Variants in TENM3 observed in about 807,000 individuals in gnomAD.
TENM3 encodes teneurin-3.
Under a neutral mutation model 255.1 loss-of-function variants are expected in TENM3, and 63 were observed. That is an observed-to-expected ratio of 0.25 (90% CI 0.20 to 0.30). TENM3 has a LOEUF of 0.30. Among genes scored for constraint, TENM3 ranks in the 10% least tolerant of loss-of-function variants. The pLI is 1.00. For synonymous variants in TENM3, 1,306 were observed against 1,322.3 expected (o/e 0.99, Z 0.27); for missense variants, 2,929 against 3,461.1 (o/e 0.85, Z 3.86).
At chr4:181,680,096 C>G in the TENM3 span, among the ~76,000 whole-genome samples, 8 of 152,172 alleles carry the variant, frequency 5.3e-5, no homozygotes, top group African/African-American at 1.9e-4. Flanking sequence ...TAGGTGTAAA[C>G]ATTTTATTTT....
the TENM3 span, among the ~76,000 whole-genome samples, chr4:181,521,325 ACT>A: frequency 6.6e-6 from 1 of 152,164 alleles, no homozygotes; most frequent in South Asian, 2.1e-4. Flanking sequence ...AGCAAAAATA[ACT>A]CTTACCGATG....
At chr4:181,598,896 C>T in the TENM3 span, among the ~76,000 whole-genome samples, 1 of 152,064 alleles carries the variant, frequency 6.6e-6, no homozygotes, top group East Asian at 1.9e-4. Flanking sequence ...AATGTATGTA[C>T]AGTAATATTA....
intron 5 of TENM3, among the ~76,000 whole-genome samples, chr4:182,653,068 A>C (rs181071643): frequency 4.6e-5 from 7 of 152,234 alleles, no homozygotes; most frequent in Admixed American, 4.6e-4. Flanking sequence ...AATTTTTTAA[A>C]ATAAAGCAAA....
At chr4:181,553,308 G>A in the TENM3 span, among the ~76,000 whole-genome samples, 3 of 123,956 alleles carry the variant, frequency 2.4e-5, 1 homozygote, top group African/African-American at 1.0e-4. Context: ...TAGTGTGTGT[G>A]TATGTGTATG....
the TENM3 span, among the ~76,000 whole-genome samples, chr4:182,006,790 T>G: frequency 6.6e-6 from 1 of 152,182 alleles, no homozygotes. Flanking sequence ...AGTTTACTCT[T>G]GCCTCTCTGG....
intron 3 of TENM3, among the ~76,000 whole-genome samples, chr4:182,371,802 CT>C (rs1348852385): frequency 2.6e-4 from 39 of 152,290 alleles, no homozygotes; most frequent in African/African-American, 8.7e-4. Flanking sequence ...ATACATGTTT[CT>C]TTCAACTTGC....
At chr4:182,308,899 C>G (rs1173190374) in intron 1 of TENM3, among the ~76,000 whole-genome samples, 1 of 128,472 alleles carries the variant, frequency 7.8e-6, no homozygotes, top group Non-Finnish European at 1.7e-5. Flanking sequence ...TGTTTAAAAA[C>G]AAACAATAAA....
the TENM3 span, chr4:182,079,694 A>G: frequency 6.6e-6 from 1 of 152,264 alleles, no homozygotes; most frequent in Non-Finnish European, 1.5e-5. Flanking sequence ...TTAGTTTTAA[A>G]TGAGATGTTG....
At chr4:182,475,862 G>A (rs986367802) in intron 3 of TENM3, among the ~76,000 whole-genome samples, 2 of 152,148 alleles carry the variant, frequency 1.3e-5, no homozygotes, top group Admixed American at 6.5e-5. Flanking sequence ...TCCCTCAAGT[G>A]ACTATGATAA....
the TENM3 span, among the ~76,000 whole-genome samples, chr4:181,594,704 T>G: frequency 6.6e-6 from 1 of 152,166 alleles, no homozygotes; most frequent in South Asian, 2.1e-4. Context: ...TCAGTGCCAA[T>G]CTATCTCCTA....
At chr4:181,914,057 C>T in the TENM3 span, among the ~76,000 whole-genome samples, 1 of 152,160 alleles carries the variant, frequency 6.6e-6, no homozygotes. Context: ...CTAACCTTTC[C>T]TTTCTTCAAC....
the TENM3 span, among the ~76,000 whole-genome samples, chr4:181,653,600 C>T: frequency 7.9e-5 from 12 of 151,752 alleles, no homozygotes; most frequent in African/African-American, 2.9e-4. Context: ...GGGGTTTTAC[C>T]GTGTTGGCCA....
the TENM3 span, among the ~76,000 whole-genome samples, chr4:181,812,173 G>C: frequency 2.0e-5 from 3 of 151,650 alleles, no homozygotes; most frequent in Non-Finnish European, 4.4e-5. Flanking sequence ...TTTTAGAGCT[G>C]GTGGCTTTCA....
At chr4:182,010,274 C>T in the TENM3 span, among the ~76,000 whole-genome samples, 1 of 152,076 alleles carries the variant, frequency 6.6e-6, no homozygotes, top group Non-Finnish European at 1.5e-5. Context: ...AAAAAGAAAA[C>T]AGTCACATTA....
In TENM3 at chr4:182,563,096, C is replaced by G. The variant is rs541336112; in HGVS notation, c.512-37828C>G. Among the ~76,000 whole-genome samples the G allele has an allele frequency of 3.5e-4, 53 of 152,062 alleles. 1 individual carries two copies. The highest frequency in any genetic ancestry group is 2.4e-4 in the Non-Finnish European group (16 of 68,030). On this transcript the variant is annotated intron_variant, in intron 3 of 27. Transcript: ENST00000511685. The stretch of plus-strand genomic sequence containing the variant: ...CCTTGATGAATATTTCAAAATGTTA[C>G]TCTGGTACACTGGGTTATCTTGAAA...
chr4:182,526,183 T>TG (rs1560874099), intron 3 of TENM3, among the ~76,000 whole-genome samples: 1 of 151,910 alleles, frequency 6.6e-6, no homozygotes, highest in Non-Finnish European at 1.5e-5. Flanking sequence ...GGTTTCACAG[T>TG]GTTAGCCAGG....
chr4:182,109,428 C>G, the TENM3 span, among the ~76,000 whole-genome samples: 7 of 151,384 alleles, frequency 4.6e-5, no homozygotes, highest in Non-Finnish European at 7.4e-5. Flanking sequence ...GTAGACAAAT[C>G]GTTTTGAATA....
At chr4:182,385,262 CTTTTTTTTT>C (rs397762118) in intron 3 of TENM3, among the ~76,000 whole-genome samples, 1 of 112,102 alleles carries the variant, frequency 8.9e-6, no homozygotes, top group Non-Finnish European at 1.7e-5. Flanking sequence ...TATTGTGCGT[CTTTTTTTTT>C]TTTTTTTTTT....
At chr4:182,472,379 G>T (rs1397264827) in intron 3 of TENM3, among the ~76,000 whole-genome samples, 2 of 152,056 alleles carry the variant, frequency 1.3e-5, no homozygotes, top group African/African-American at 4.8e-5. Flanking sequence ...ATGTGTAGGT[G>T]TTCTTTTTAA....
Sources: allele counts gnomAD v4.1 joint callset (sites outside exome capture counted in the v4.1 genomes callset), GRCh38; gene constraint gnomAD v4.1.1; transcripts MANE v1.5; gene names NCBI Gene and HGNC (gene_info 2026-07-23, HGNC 2026-07-21).